Variants in DLGAP2 observed in about 807,000 individuals in gnomAD.
DLGAP2 encodes the protein DLG associated protein 2.
Under a neutral mutation model 100.3 loss-of-function variants are expected in DLGAP2, and 26 were observed. The observed-to-expected ratio is 0.26, with a 90% CI of 0.19 to 0.36. DLGAP2 has a LOEUF of 0.36. Among genes scored for constraint, DLGAP2 ranks in the 10% least tolerant of loss-of-function variants. DLGAP2 has a pLI of 1.00. For missense variants in DLGAP2, 1,858 were observed against 1,453.2 expected, an observed-to-expected ratio of 1.28 and a Z score of -4.53; for synonymous variants, 886 against 630.1, an observed-to-expected ratio of 1.41 and a Z score of -6.08.
chr8:1,436,145 C>G (rs979120232), intron 3 of DLGAP2, among the ~76,000 whole-genome samples: 2 of 152,180 alleles, frequency 1.3e-5, no homozygotes, highest in African/African-American at 2.4e-5. Flanking sequence ...AAGGTGAACT[C>G]CCACCACAAG....
chr8:1,296,760 G>C (rs1047394989), intron 3 of DLGAP2, among the ~76,000 whole-genome samples: 11 of 152,176 alleles, frequency 7.2e-5, no homozygotes, highest in African/African-American at 2.7e-4. Flanking sequence ...CGTGGTAAGT[G>C]AGTCCCTGAA....
Position 1,360,211 on chromosome 8 carries a change from T to TC in DLGAP2, c.106+101328_106+101329insC, listed in dbSNP as rs1486408619. Among the ~76,000 whole-genome samples the TC allele has an allele frequency of 2.8e-3, 334 of 118,102 alleles. 17 individuals are homozygous for TC. Among genetic ancestry groups the TC allele is most frequent in the African/African-American group, 9.4e-3 (294 of 31,152 alleles). The allele number at this position is 118,102 out of a possible 152,430, so 77.5% of individuals were successfully genotyped here. On this transcript the variant is annotated intron_variant, in intron 3 of 14. Transcript: ENST00000637795. ...CCCGGGTGTGCTCAGGGGCGGGGCTTTTCCGGGGCGGGGCTTCTCCGGGGC... is the reference window on the plus strand; with the variant it reads ...CCCGGGTGTGCTCAGGGGCGGGGCTTCTTCCGGGGCGGGGCTTCTCCGGGGC...
chr8:747,758 G>A (rs1396682898), intron 1 of DLGAP2, among the ~76,000 whole-genome samples: 3 of 22,346 alleles, frequency 1.3e-4, no homozygotes, highest in Admixed American at 5.0e-4. Flanking sequence ...GGTGGGATGG[G>A]GGTCTCTGCG....
At chr8:770,443 T>G (rs1008683897) in intron 1 of DLGAP2, among the ~76,000 whole-genome samples, 1 of 152,186 alleles carries the variant, frequency 6.6e-6, no homozygotes, top group South Asian at 2.1e-4. Context: ...ACTTTTTTTC[T>G]TATAGAAATT....
At chr8:1,515,920 TG>T (rs1800356901) in intron 4 of DLGAP2, among the ~76,000 whole-genome samples, 1 of 152,216 alleles carries the variant, frequency 6.6e-6, no homozygotes. Flanking sequence ...GTTCCCTTAA[TG>T]GATGAGTGAG....
chr8:789,495 G>A lies in DLGAP2; in HGVS notation c.18+51670G>A, dbSNP rs146618334. ...ACCAGGCCCCTCTTCCGACACTGGG[G>A]ATCACAATTTGACGTGAGATTTGGG... On this transcript the variant is annotated intron_variant, in intron 1 of 14. Transcript: ENST00000637795. Among the ~76,000 whole-genome samples the A allele has an allele frequency of 1.3e-3, 191 of 152,332 alleles. 2 individuals carry two copies. The highest frequency in any genetic ancestry group is 4.5e-3 in the African/African-American group (187 of 41,574).
At chr8:1,426,632 G>C (rs7840871) in intron 3 of DLGAP2, among the ~76,000 whole-genome samples, 32,518 of 152,072 alleles carry the variant, frequency 0.21, 3,888 homozygotes, top group Middle Eastern at 0.29. Flanking sequence ...GACCATGCAT[G>C]ACTAAGAGAA....
chr8:822,587 G>GA (rs1796603825), intron 1 of DLGAP2, among the ~76,000 whole-genome samples: 1 of 152,254 alleles, frequency 6.6e-6, no homozygotes, highest in South Asian at 2.1e-4. Context: ...TGCTCCGAAT[G>GA]AATCTGTGCA....
intron 2 of DLGAP2, among the ~76,000 whole-genome samples, chr8:1,045,606 T>C (rs565271655): frequency 5.3e-5 from 8 of 152,314 alleles, no homozygotes; most frequent in African/African-American, 1.9e-4. Context: ...TCCCGTCTCA[T>C]TGGCATTTTG....
At chr8:792,090 A>C (rs528639600) in intron 1 of DLGAP2, among the ~76,000 whole-genome samples, 1 of 152,316 alleles carries the variant, frequency 6.6e-6, no homozygotes, top group East Asian at 1.9e-4. Context: ...CATGTTTTCT[A>C]CTTTGATGAA....
At chr8:1,156,982 T>C (rs760105589) in intron 2 of DLGAP2, among the ~76,000 whole-genome samples, 1 of 151,886 alleles carries the variant, frequency 6.6e-6, no homozygotes, top group Admixed American at 6.6e-5. Context: ...CTGTTACAGC[T>C]CCTCCCCCGA....
At chr8:934,467 G>C (rs1180353163) in intron 2 of DLGAP2, among the ~76,000 whole-genome samples, 1 of 152,202 alleles carries the variant, frequency 6.6e-6, no homozygotes, top group East Asian at 1.9e-4. Context: ...CCATTGAGTG[G>C]GACCTGCTTG....
chr8:971,806 G>A (rs796734210), intron 2 of DLGAP2, among the ~76,000 whole-genome samples: 16 of 152,298 alleles, frequency 1.1e-4, no homozygotes, highest in African/African-American at 3.6e-4. Context: ...TAAGCAATGA[G>A]AGTGAAGGGG....
At chr8:1,680,683 C>T (rs1010385835) in intron 12 of DLGAP2, 1 of 152,242 alleles carries the variant, frequency 6.6e-6, no homozygotes, top group Non-Finnish European at 1.5e-5. Flanking sequence ...TTGCATTTCT[C>T]ATGGTTAGGG....
At chr8:1,334,237 T>C (rs552583024) in intron 3 of DLGAP2, among the ~76,000 whole-genome samples, 24 of 152,340 alleles carry the variant, frequency 1.6e-4, no homozygotes, top group Admixed American at 3.3e-4. Flanking sequence ...GCTGCACACC[T>C]GAGCTGGTTA....
chr8:1,153,107 T>A (rs1386257937), intron 2 of DLGAP2, among the ~76,000 whole-genome samples: 1 of 152,166 alleles, frequency 6.6e-6, no homozygotes, highest in Non-Finnish European at 1.5e-5. Flanking sequence ...TCCCCCTGCT[T>A]TGACCCACCC....
intron 4 of DLGAP2, among the ~76,000 whole-genome samples, chr8:1,519,308 A>T (rs1800507433): frequency 1.3e-5 from 1 of 76,566 alleles, no homozygotes; most frequent in Admixed American, 1.5e-4. Flanking sequence ...TCTACTTGGA[A>T]ATCTTAAAAA....
At chr8:817,149 A>C (rs1417177699) in intron 1 of DLGAP2, among the ~76,000 whole-genome samples, 2 of 152,048 alleles carry the variant, frequency 1.3e-5, no homozygotes, top group Non-Finnish European at 2.9e-5. Flanking sequence ...TCAAAAAAAA[A>C]AAAAAAAAAA....
At position 1,155,997 on chromosome 8, in the gene DLGAP2, G is replaced by A. The variant is rs557850424; in HGVS notation, c.74-102854G>A. The stretch of plus-strand genomic sequence containing the variant: ...CCTGACGGAGTCCCCGTCGCAGAGG[G>A]CCTGTGGGCCGGTGACTTTCTGCAG... On this transcript the variant is annotated intron_variant, in intron 2 of 14. Transcript: ENST00000637795. 6.2e-4 allele frequency among the ~76,000 whole-genome samples: 94 copies of A among 152,314 alleles called. No individual in the cohort carries two copies. In the South Asian group the frequency reaches 7.2e-3, roughly 12 times the overall value.
Sources: gnomAD v4.1 joint callset for allele counts (sites outside exome capture counted in the v4.1 genomes callset) on GRCh38, gnomAD v4.1.1 for gene constraint, MANE v1.5 for transcripts, NCBI Gene and HGNC (gene_info 2026-07-23, HGNC 2026-07-21) for gene names.